The following CTNND2 variants were observed in gnomAD, a reference collection of about 807,000 sequenced individuals.
CTNND2 encodes catenin delta-2.
A neutral mutation model predicts 144.4 loss-of-function variants in CTNND2; 22 were observed. The observed-to-expected ratio is 0.15, with a 90% confidence interval of 0.11 to 0.22. CTNND2 has a LOEUF of 0.22. CTNND2 is among the 10% of genes least tolerant of loss of function. The pLI is 1.00. For missense variants in CTNND2, 1,353 were observed against 1,618.8 expected (o/e 0.84, Z 2.82); for synonymous variants, 751 against 695.6 (o/e 1.08, Z -1.25).
rs147292351 is a variant in CTNND2 at position 11,161,413 on chromosome 5, A to G, written c.1976-1654T>C. Among the ~76,000 whole-genome samples the G allele has an allele frequency of 6.5e-4, 99 of 152,324 alleles. 2 individuals carry two copies. In the East Asian group the frequency reaches 0.018, roughly 28 times the overall value. ...ATGGTACACAGAAGGTGCTCAGAATATATTCTGATTTGGACTGATTTGAAA... is the reference window on the plus strand; with the variant it reads ...ATGGTACACAGAAGGTGCTCAGAATGTATTCTGATTTGGACTGATTTGAAA... On this transcript the variant is annotated intron_variant, in intron 11 of 21. Coordinates refer to ENST00000304623, the MANE Select transcript of CTNND2 (RefSeq NM_001332.4).
rs141345080 is a variant in CTNND2 at position 11,561,112 on chromosome 5, A to G, written c.287+3832T>C. On this transcript the variant is annotated intron_variant, in intron 3 of 21. Coordinates refer to ENST00000304623, the MANE Select transcript of CTNND2 (RefSeq NM_001332.4). ...AGCCTCAGGAATGGGCCTTGGGCTGAGCATGAGCCAGATCATTGTACTGGC... is the reference window on the plus strand; with the variant it reads ...AGCCTCAGGAATGGGCCTTGGGCTGGGCATGAGCCAGATCATTGTACTGGC... 2.9e-3 allele frequency among the ~76,000 whole-genome samples: 444 copies of G among 152,288 alleles called. 2 individuals carry two copies. Among genetic ancestry groups the G allele is most frequent in the African/African-American group, 0.01 (427 of 41,554 alleles).
At chr5:11,856,544 G>A (rs1245068427) in intron 1 of CTNND2, among the ~76,000 whole-genome samples, 1 of 152,160 alleles carries the variant, frequency 6.6e-6, no homozygotes, top group Non-Finnish European at 1.5e-5. Context: ...AAAGGTAACT[G>A]TCCAGAAAAG....
At chr5:11,500,204 G>C (rs1057511145) in intron 3 of CTNND2, among the ~76,000 whole-genome samples, 2 of 152,132 alleles carry the variant, frequency 1.3e-5, no homozygotes, top group South Asian at 4.1e-4. Flanking sequence ...CTGAAGAGTA[G>C]GTAGGCCGTA....
chr5:11,694,492 G>C (rs1194814325), intron 2 of CTNND2, among the ~76,000 whole-genome samples: 1 of 151,848 alleles, frequency 6.6e-6, no homozygotes, highest in Non-Finnish European at 1.5e-5. Context: ...GCACCAACTA[G>C]ACTATGAAAA....
At chr5:11,477,742 T>C (rs1399013970) in intron 3 of CTNND2, among the ~76,000 whole-genome samples, 1 of 152,184 alleles carries the variant, frequency 6.6e-6, no homozygotes, top group Non-Finnish European at 1.5e-5. Flanking sequence ...ACAAAACTAC[T>C]CTTTCCAAAT....
At chr5:11,674,263 T>C (rs1784052737) in intron 2 of CTNND2, among the ~76,000 whole-genome samples, 1 of 152,232 alleles carries the variant, frequency 6.6e-6, no homozygotes, top group African/African-American at 2.4e-5. Flanking sequence ...AGACAGTATA[T>C]GAGATAAAAA....
intron 2 of CTNND2, among the ~76,000 whole-genome samples, chr5:11,589,673 G>T (rs933265661): frequency 6.6e-6 from 1 of 152,022 alleles, no homozygotes; most frequent in Admixed American, 6.6e-5. Context: ...CAACTCCTTT[G>T]AGTCTTTTAC....
chr5:11,113,440 C>T (rs1210269973), intron 13 of CTNND2, among the ~76,000 whole-genome samples: 2 of 152,072 alleles, frequency 1.3e-5, no homozygotes, highest in Non-Finnish European at 2.9e-5. Context: ...AATTACATGG[C>T]TGTGACTGAG....
In CTNND2 at chr5:11,096,342, GT is replaced by G. The variant is rs374877673; in HGVS notation, c.2637+2232del. Among the ~76,000 whole-genome samples the G allele has an allele frequency of 3.9e-3, 591 of 152,232 alleles. 5 individuals are homozygous for G. Among genetic ancestry groups the G allele is most frequent in the African/African-American group, 0.013 (556 of 41,532 alleles). On this transcript the variant is annotated intron_variant, in intron 15 of 21. Transcript: ENST00000304623. Reference sequence around the variant, plus strand: ...CCCCCCACCCCTGCCAGGCCCCGGTGTGTGATGTTCTCCTCCCTGTTTCCAT... The same window carrying G: ...CCCCCCACCCCTGCCAGGCCCCGGTGGTGATGTTCTCCTCCCTGTTTCCAT...
chr5:11,120,664 T>A (rs4590158), intron 12 of CTNND2, among the ~76,000 whole-genome samples: 1 of 101,018 alleles, frequency 9.9e-6, no homozygotes, highest in South Asian at 3.2e-4. Context: ...AGGGGGTTAT[T>A]ATACTGTCTG....
chr5:11,465,024 CT>C (rs1181621777), intron 3 of CTNND2, among the ~76,000 whole-genome samples: 8 of 152,144 alleles, frequency 5.3e-5, no homozygotes, highest in Non-Finnish European at 1.2e-4. Context: ...AAGGATATTT[CT>C]CTCTTCTTCC....
chr5:11,278,433 A>G (rs1043516726), intron 9 of CTNND2, among the ~76,000 whole-genome samples: 11 of 152,198 alleles, frequency 7.2e-5, no homozygotes, highest in Non-Finnish European at 1.5e-4. Flanking sequence ...CTTGCATGCC[A>G]CGGAGGAGGA....
intron 10 of CTNND2, among the ~76,000 whole-genome samples, chr5:11,217,481 T>G (rs1739318794): frequency 6.6e-6 from 1 of 152,180 alleles, no homozygotes; most frequent in African/African-American, 2.4e-5. Context: ...GTGCCTATGA[T>G]TTCATTGTGG....
At chr5:11,540,793 G>A (rs1187636707) in intron 3 of CTNND2, among the ~76,000 whole-genome samples, 1 of 152,032 alleles carries the variant, frequency 6.6e-6, no homozygotes, top group Admixed American at 6.6e-5. Flanking sequence ...TCTTAACATA[G>A]TTTTTTCCTA....
intron 2 of CTNND2, among the ~76,000 whole-genome samples, chr5:11,665,157 G>A: frequency 6.6e-6 from 1 of 152,076 alleles, no homozygotes; most frequent in East Asian, 1.9e-4. Context: ...ATTTGCTATT[G>A]GTGAATAGTG....
chr5:11,877,405 A>G (rs1735645027), intron 1 of CTNND2, among the ~76,000 whole-genome samples: 1 of 152,102 alleles, frequency 6.6e-6, no homozygotes, highest in Non-Finnish European at 1.5e-5. Flanking sequence ...CCAGTTATAA[A>G]CAGTTTCTGA....
chr5:11,152,646 C>T (rs1757846379), intron 12 of CTNND2, among the ~76,000 whole-genome samples: 1 of 152,108 alleles, frequency 6.6e-6, no homozygotes. Flanking sequence ...CACAGGAGAC[C>T]CGAGCCCTCG....
intron 1 of CTNND2, among the ~76,000 whole-genome samples, chr5:11,865,902 C>CAAAAAAAACAAAAA (rs1553986084): frequency 1.1e-5 from 1 of 87,426 alleles, no homozygotes; most frequent in African/African-American, 4.0e-5. Flanking sequence ...CTGGAAGAGA[C>CAAAAAAAACAAAAA]AAAAAAAAAA....
intron 2 of CTNND2, among the ~76,000 whole-genome samples, chr5:11,585,343 C>T (rs2530913): frequency 0.089 from 13,501 of 152,210 alleles, 786 homozygotes; most frequent in East Asian, 0.27. Flanking sequence ...ACCTTCAATA[C>T]TCACTACTGT....
Sources: gnomAD v4.1 joint callset for allele counts (sites outside exome capture counted in the v4.1 genomes callset) on GRCh38, gnomAD v4.1.1 for gene constraint, MANE v1.5 for transcripts, NCBI Gene and HGNC (gene_info 2026-07-23, HGNC 2026-07-21) for gene names.